FLACC1: variants seen among roughly 807,000 people sequenced by gnomAD.
FLACC1 encodes the protein flagellum-associated coiled-coil domain-containing protein 1.
Under a neutral mutation model 62.8 loss-of-function variants are expected in FLACC1, and 66 were observed. The observed-to-expected ratio is 1.05, with a 90% CI of 0.86 to 1.29. FLACC1 has a LOEUF of 1.29. FLACC1 is among the 50% of genes most tolerant of loss of function. FLACC1 has a pLI of 0.00. For synonymous variants in FLACC1, 156 were observed against 161.0 expected (o/e 0.97, Z 0.24); for missense variants, 452 against 489.1 (o/e 0.92, Z 0.71).
chr2:201,289,728 G>T lies in FLACC1; in HGVS notation c.1000C>A (p.Leu334Ile). 6.2e-7 allele frequency: 1 copy of T among 1,614,114 alleles called. No individual in the cohort carries two copies. The highest frequency in any genetic ancestry group is 8.5e-7 in the Non-Finnish European group (1 of 1,180,006). The change falls in exon 13 of 15, where the codon CTC becomes ATC. Residue 334 changes from leucine to isoleucine, a missense_variant. Physicochemically the swap from Leu to Ile is conservative, Grantham distance 5 (BLOSUM62 2). Transcript: ENST00000392257. ...TGGAGTTCCAACTGGGTATAGTAGAGGTTTGTGTTCAGTGACTCTAGGATA... is the reference window on the plus strand; with the variant it reads ...TGGAGTTCCAACTGGGTATAGTAGATGTTTGTGTTCAGTGACTCTAGGATA... The part of the protein sequence containing the change: ...ALILESLNTN[L>I]YYTQLELQKE...
intron 12 of FLACC1, among the ~76,000 whole-genome samples, chr2:201,295,047 T>C (rs544697708): frequency 1.3e-3 from 193 of 152,344 alleles, no homozygotes; most frequent in African/African-American, 4.5e-3. Context: ...TCCATGCTCA[T>C]GGATAGGAAG....
chr2:201,355,817 C>G (rs1477468852), intron 1 of FLACC1, among the ~76,000 whole-genome samples: 1 of 152,148 alleles, frequency 6.6e-6, no homozygotes, highest in Admixed American at 6.5e-5. Context: ...TAGGACCACA[C>G]CACTGCATTT....
At chr2:201,358,057 A>G (rs950980418), upstream of FLACC1, among the ~76,000 whole-genome samples, 21 of 152,290 alleles carry the variant, frequency 1.4e-4, no homozygotes, top group East Asian at 2.5e-3. Flanking sequence ...CACAACCCCT[A>G]GCTTACAAAA....
the FLACC1 span, among the ~76,000 whole-genome samples, chr2:201,363,585 C>T: frequency 3.9e-5 from 6 of 151,932 alleles, no homozygotes; most frequent in East Asian, 1.9e-4. Context: ...CCATTTTCCT[C>T]GATCAGCAGT....
chr2:201,312,153 AT>A (rs1424512085), intron 9 of FLACC1, among the ~76,000 whole-genome samples: 1 of 152,262 alleles, frequency 6.6e-6, no homozygotes, highest in Non-Finnish European at 1.5e-5. Context: ...CTGTTCACTG[AT>A]AACATAATTG....
In FLACC1 at chr2:201,346,932, G is replaced by A. The variant is rs955715353; in HGVS notation, c.235-257C>T. 3.3e-5 allele frequency among the ~76,000 whole-genome samples: 5 copies of A among 152,096 alleles called. No homozygotes were observed. The highest frequency in any genetic ancestry group is 1.2e-4 in the African/African-American group (5 of 41,410). ...CCAAGCCACTGATGCCCCTGCCCCC[G>A]ACTTGTGTTCACCCTCGTGGCCAGA... On this transcript the variant is annotated intron_variant, in intron 4 of 14. Coordinates refer to ENST00000392257, the MANE Select transcript of FLACC1 (RefSeq NM_001127391.3). The surrounding 1 kb of genome is among the most constrained non-coding windows in gnomAD (Gnocchi z 4.0).
Position 201,346,395 on chromosome 2 carries a change from G to T in FLACC1, c.368+147C>A. The T allele has an allele frequency of 9.1e-7, 1 of 1,093,158 alleles. No homozygotes were observed. The highest frequency in any genetic ancestry group is 1.3e-6 in the Non-Finnish European group (1 of 766,572). The allele number at this position is 1,093,158 out of a possible 1,614,324, so 67.7% of individuals were successfully genotyped here. On this transcript the variant is annotated intron_variant, in intron 5 of 14. Transcript: ENST00000392257. This position sits in a 1 kb window ranked among gnomAD's most constrained non-coding sequence, Gnocchi z 4.0. ...GAGAGATGCATCATCAGGAAGCAGGGGCGAGGAGGGAGGTGCCCTTGCGGC... is the reference window on the plus strand; with the variant it reads ...GAGAGATGCATCATCAGGAAGCAGGTGCGAGGAGGGAGGTGCCCTTGCGGC...
intron 9 of FLACC1, among the ~76,000 whole-genome samples, chr2:201,318,563 A>C (rs1001055409): frequency 6.6e-6 from 1 of 152,110 alleles, no homozygotes; most frequent in African/African-American, 2.4e-5. Flanking sequence ...TTACTCCTAC[A>C]AGAATGGCCA....
At chr2:201,318,983 T>C (rs1261153237) in intron 9 of FLACC1, among the ~76,000 whole-genome samples, 2 of 151,860 alleles carry the variant, frequency 1.3e-5, no homozygotes, top group Non-Finnish European at 2.9e-5. Flanking sequence ...AGACTACAAA[T>C]TGAGTGCAGT....
At chr2:201,342,308 G>T in intron 7 of FLACC1, 62 bp downstream of exon 7, 1 of 1,555,180 alleles carries the variant, frequency 6.4e-7, no homozygotes, top group Non-Finnish European at 8.8e-7. Context: ...CTAAAATCCT[G>T]CAAAGGATGC....
intron 1 of FLACC1, among the ~76,000 whole-genome samples, chr2:201,354,301 G>C (rs540349669): frequency 8.5e-5 from 13 of 152,346 alleles, no homozygotes; most frequent in African/African-American, 3.1e-4. Context: ...GCAGTCAGCA[G>C]AGGAGTCGGC....
chr2:201,299,262 T>C lies in FLACC1; in HGVS notation c.918A>G (p.Leu306=). Residue 306 remains leucine (L), a synonymous_variant, in exon 12 of 15, where the codon TTA becomes TTG. Coordinates refer to ENST00000392257, the MANE Select transcript of FLACC1 (RefSeq NM_001127391.3). Reference sequence around the variant, plus strand: ...CCTCTTTGGTTTTTCTCAGCTCTTCTAATTGCAAGGTGTCACTTTGATGTT... The same window carrying C: ...CCTCTTTGGTTTTTCTCAGCTCTTCCAATTGCAAGGTGTCACTTTGATGTT... ...LKQHQSDTLQ[L]EELRKTKEVM... 6.2e-7 allele frequency: 1 copy of C among 1,613,836 alleles called. No homozygotes were observed. The highest frequency in any genetic ancestry group is 8.5e-7 in the Non-Finnish European group (1 of 1,179,864).
At chr2:201,355,408 G>T (rs1951100482) in intron 1 of FLACC1, among the ~76,000 whole-genome samples, 1 of 152,156 alleles carries the variant, frequency 6.6e-6, no homozygotes, top group Non-Finnish European at 1.5e-5. Flanking sequence ...GCATTCAAAA[G>T]CCAGAAAGCA....
Position 201,310,797 on chromosome 2 carries a change from C to G in FLACC1, c.676-1547G>C, listed in dbSNP as rs535477886. On this transcript the variant is annotated intron_variant, in intron 9 of 14. Coordinates refer to ENST00000392257, the MANE Select transcript of FLACC1 (RefSeq NM_001127391.3). ...AGAAAAGAAATAACTAAAATCAGAA[C>G]AGAACTGAATGGAATCAAAATTCAA... Among the ~76,000 whole-genome samples, 3 of 151,986 alleles carry G rather than the reference C, an allele frequency of 2.0e-5. No homozygotes were observed. In the East Asian group the frequency reaches 5.8e-4, roughly 29 times the overall value.
chr2:201,345,881 G>A lies in FLACC1; in HGVS notation c.368+661C>T, dbSNP rs140101813. Reference sequence around the variant, plus strand: ...TAGTATTTTTGGACATAATGAAAAAGAGGCTGGGCGCAGTGGCTCACGCCT... The same window carrying A: ...TAGTATTTTTGGACATAATGAAAAAAAGGCTGGGCGCAGTGGCTCACGCCT... On this transcript the variant is annotated intron_variant, in intron 5 of 14. Transcript: ENST00000392257. 5.9e-3 allele frequency among the ~76,000 whole-genome samples: 904 copies of A among 152,232 alleles called. 5 individuals carry two copies. Among genetic ancestry groups the A allele is most frequent in the Non-Finnish European group, 0.01 (702 of 68,020 alleles).
chr2:201,323,135 A>G (rs2110694), intron 9 of FLACC1, among the ~76,000 whole-genome samples: 14,426 of 152,268 alleles, frequency 0.095, 1,057 homozygotes, highest in South Asian at 0.26. Flanking sequence ...GTTCCAGAGG[A>G]AGAAGAGAAA....
chr2:201,348,259 A>G lies in FLACC1; in HGVS notation c.229T>C (p.Phe77Leu). The change falls in exon 4 of 15, where the codon TTT (phenylalanine) becomes CTT (leucine). Residue 77 changes from phenylalanine (F) to leucine (L), a missense_variant. This residue lies in a region of FLACC1 where 147 missense variants were observed against 152.7 expected (regional missense o/e 0.96). Coordinates refer to ENST00000392257, the MANE Select transcript of FLACC1 (RefSeq NM_001127391.3). Reference sequence around the variant, plus strand: ...CCTCTCCTGCCTTTACTCACATAAAATGATTTATTAGTCTCTTCTTGCCTT... The same window carrying G: ...CCTCTCCTGCCTTTACTCACATAAAGTGATTTATTAGTCTCTTCTTGCCTT... Reference protein sequence around the residue: ...SARQEETNKSFYEVINVSPGY... With the variant: ...SARQEETNKSLYEVINVSPGY... 2 of 1,613,088 alleles carry G rather than the reference A, an allele frequency of 1.2e-6. No homozygotes were observed. Among genetic ancestry groups the G allele is most frequent in the Non-Finnish European group, 1.7e-6 (2 of 1,179,764 alleles).
intron 12 of FLACC1, among the ~76,000 whole-genome samples, chr2:201,294,618 G>T (rs542974956): frequency 0.013 from 2,034 of 152,292 alleles, 15 homozygotes; most frequent in Non-Finnish European, 0.022. Flanking sequence ...GCAAAAGACA[G>T]GGATGCCCTC....
intron 9 of FLACC1, among the ~76,000 whole-genome samples, chr2:201,324,835 A>AC (rs1242136183): frequency 6.6e-6 from 1 of 152,160 alleles, no homozygotes; most frequent in Non-Finnish European, 1.5e-5. Flanking sequence ...AGTTATCAAA[A>AC]CCTCTGGGAT....
Sources: allele counts gnomAD v4.1 joint callset (sites outside exome capture counted in the v4.1 genomes callset), GRCh38; gene constraint gnomAD v4.1.1; regional missense constraint gnomAD v4.1.1; non-coding constraint Gnocchi (gnomAD v3.1); transcripts MANE v1.5; gene names NCBI Gene and HGNC (gene_info 2026-07-23, HGNC 2026-07-21).